Variants in LARP1B observed in about 807,000 individuals in gnomAD.
LARP1B encodes La ribonucleoprotein 1B.
A neutral mutation model predicts 114.2 loss-of-function variants in LARP1B; 76 were observed. The ratio of observed to expected loss-of-function variants is 0.67; its 90% confidence interval spans 0.55 to 0.81. LARP1B has a LOEUF of 0.81. Among genes scored for constraint, LARP1B ranks in the 30% least tolerant of loss-of-function variants. The pLI is 0.00. For synonymous variants in LARP1B, 345 were observed against 348.0 expected (o/e 0.99, Z 0.10); for missense variants, 1,014 against 1,075.8 (o/e 0.94, Z 0.80).
At chr4:128,213,849 C>T (rs1406213273), downstream of LARP1B, among the ~76,000 whole-genome samples, 2 of 152,086 alleles carry the variant, frequency 1.3e-5, no homozygotes, top group African/African-American at 2.4e-5. Flanking sequence ...CCAGCGTGAG[C>T]GACGCAGAAG....
At chr4:128,178,047 T>C in intron 13 of LARP1B, among the ~76,000 whole-genome samples, 1 of 148,918 alleles carries the variant, frequency 6.7e-6, no homozygotes, top group East Asian at 2.0e-4. Context: ...TATATATATA[T>C]ATATATATAT....
At chr4:128,097,760 C>T (rs954551065) in intron 7 of LARP1B, among the ~76,000 whole-genome samples, 22 of 151,932 alleles carry the variant, frequency 1.4e-4, no homozygotes, top group South Asian at 6.2e-4. Context: ...CTCTTCTCAG[C>T]GACTGGGAAA....
intron 10 of LARP1B, among the ~76,000 whole-genome samples, chr4:128,115,233 G>T (rs559605954): frequency 3.3e-5 from 5 of 152,288 alleles, no homozygotes; most frequent in Non-Finnish European, 7.3e-5. Flanking sequence ...ACTGCACCCG[G>T]CCTTAAAGTA....
chr4:128,109,082 T>C (rs1265731947), intron 9 of LARP1B, among the ~76,000 whole-genome samples: 1 of 152,166 alleles, frequency 6.6e-6, no homozygotes, highest in Non-Finnish European at 1.5e-5. Flanking sequence ...ATTATGCTGA[T>C]TCACATTAGG....
intron 11 of LARP1B, among the ~76,000 whole-genome samples, chr4:128,137,791 A>ATTTTT (rs758032661): frequency 3.1e-5 from 2 of 63,562 alleles, no homozygotes; most frequent in African/African-American, 9.6e-5. Flanking sequence ...ATATATATAT[A>ATTTTT]TTTTTTTTTT....
chr4:128,066,474 G>A (rs1368124278), intron 1 of LARP1B, among the ~76,000 whole-genome samples: 1 of 126,450 alleles, frequency 7.9e-6, no homozygotes, highest in Non-Finnish European at 1.7e-5. Flanking sequence ...CACTGCGCCC[G>A]GCCTTTTTTT....
chr4:128,103,561 CTTTT>C (rs1049704607), intron 8 of LARP1B, among the ~76,000 whole-genome samples: 2 of 131,852 alleles, frequency 1.5e-5, no homozygotes, highest in Non-Finnish European at 1.6e-5. Context: ...GCCCCTTCCT[CTTTT>C]TTTTTTTTTT....
At chr4:128,067,009 CG>C (rs1763233612) in intron 1 of LARP1B, among the ~76,000 whole-genome samples, 3 of 148,512 alleles carry the variant, frequency 2.0e-5, no homozygotes, top group African/African-American at 5.0e-5. Context: ...GGTTTTACCA[CG>C]TTGGCCAGGC....
intron 9 of LARP1B, among the ~76,000 whole-genome samples, chr4:128,112,381 G>A (rs1340596217): frequency 6.7e-6 from 1 of 149,614 alleles, no homozygotes; most frequent in African/African-American, 2.5e-5. Flanking sequence ...AATACCTGGT[G>A]TGTATTTTAC....
At chr4:128,093,891 A>G (rs1776815846) in intron 7 of LARP1B, among the ~76,000 whole-genome samples, 1 of 151,624 alleles carries the variant, frequency 6.6e-6, no homozygotes, top group South Asian at 2.1e-4. Context: ...TTGTAGTTTT[A>G]GTAGAGACGG....
chr4:128,089,703 G>A (rs1310109911), intron 5 of LARP1B, among the ~76,000 whole-genome samples: 1 of 150,502 alleles, frequency 6.6e-6, no homozygotes, highest in Non-Finnish European at 1.5e-5. Context: ...GTTGTACTGG[G>A]GTAAAGAGCC....
chr4:128,065,596 G>A (rs1409418444), intron 1 of LARP1B, among the ~76,000 whole-genome samples: 2 of 151,990 alleles, frequency 1.3e-5, no homozygotes. Flanking sequence ...AAGAGATTGT[G>A]GTGTAGAAAC....
intron 10 of LARP1B, among the ~76,000 whole-genome samples, chr4:128,118,300 C>G (rs1012812387): frequency 1.6e-4 from 23 of 146,374 alleles, no homozygotes; most frequent in African/African-American, 5.6e-4. Flanking sequence ...GGCGCGATCT[C>G]GGCTCCCTGC....
intron 19 of LARP1B, among the ~76,000 whole-genome samples, chr4:128,207,679 A>AT (rs1182606708): frequency 6.6e-6 from 1 of 152,226 alleles, no homozygotes; most frequent in Non-Finnish European, 1.5e-5. Flanking sequence ...TGATATGCTA[A>AT]TTTGTCACTA....
At chr4:128,123,275 C>T in intron 11 of LARP1B, 1 of 985,324 alleles carries the variant, frequency 1.0e-6, no homozygotes, top group Non-Finnish European at 1.2e-6. Context: ...CAGTTCTCTG[C>T]CTGTCCTACT....
intron 19 of LARP1B, among the ~76,000 whole-genome samples, chr4:128,208,923 T>G (rs1758320938): frequency 6.6e-6 from 1 of 152,210 alleles, no homozygotes; most frequent in Non-Finnish European, 1.5e-5. Flanking sequence ...TATCTGTTAT[T>G]TAAACATTTT....
chr4:128,068,937 A>G lies in LARP1B; in HGVS notation c.-77-5523A>G, dbSNP rs561285816. On this transcript the variant is annotated intron_variant, in intron 1 of 19. Transcript: ENST00000326639. ...AAGCAGTCTGCAGACTAGTTTTAAC[A>G]GATAAATAATACCTGTAAGCAGACA... 49 of 539,778 alleles carry G rather than the reference A, an allele frequency of 9.1e-5. No homozygotes were observed. In the South Asian group the frequency reaches 1.2e-3, roughly 14 times the overall value. 33.4% of individuals were successfully genotyped at this position (539,778 alleles called of 1,614,324 possible).
chr4:128,177,447 C>T (rs530467433), intron 13 of LARP1B, among the ~76,000 whole-genome samples: 1 of 151,960 alleles, frequency 6.6e-6, no homozygotes, highest in Non-Finnish European at 1.5e-5. Context: ...CTGCTTGATT[C>T]ATCTGCTGGC....
chr4:128,084,733 G>A (rs1250480785), intron 5 of LARP1B, among the ~76,000 whole-genome samples: 2 of 151,496 alleles, frequency 1.3e-5, no homozygotes, highest in Non-Finnish European at 2.9e-5. Context: ...CATTATTGAA[G>A]ATACTAACTT....
Sources: allele counts gnomAD v4.1 joint callset (sites outside exome capture counted in the v4.1 genomes callset), GRCh38; gene constraint gnomAD v4.1.1; transcripts MANE v1.5; gene names NCBI Gene and HGNC (gene_info 2026-07-23, HGNC 2026-07-21).